The following DOCK10 variants were observed in gnomAD, a reference collection of about 807,000 sequenced individuals.
DOCK10 encodes dedicator of cytokinesis protein 10.
Under a neutral mutation model 280.1 loss-of-function variants are expected in DOCK10, and 145 were observed. The observed-to-expected ratio is 0.52, with a 90% CI of 0.45 to 0.59. DOCK10 has a LOEUF of 0.59. DOCK10 is among the 20% of genes least tolerant of loss of function. The pLI is 0.00. For missense variants in DOCK10, 2,368 were observed against 2,651.7 expected (o/e 0.89, Z 2.35); for synonymous variants, 915 against 942.2 (o/e 0.97, Z 0.53).
Position 224,805,070 on chromosome 2 carries a change from A to G in DOCK10, c.4106T>C (p.Phe1369Ser). Residue 1369 changes from phenylalanine to serine, a missense_variant, in exon 37 of 56, where the codon TTC (phenylalanine) becomes TCC (serine). By Grantham distance (155) the Phe-to-Ser change is radical. This residue lies in a region of DOCK10 where 1,159 missense variants were observed against 1,400.8 expected (regional missense o/e 0.83). Coordinates refer to ENST00000258390, the MANE Select transcript of DOCK10 (RefSeq NM_014689.3). This position sits in a 1 kb window ranked among gnomAD's most constrained non-coding sequence, Gnocchi z 4.3. ...CTCTAAAACTTACTCCAAGATGCTG[A>G]AGAAGTCGGACACCTCTGGGCTGGG... is the stretch of plus-strand genomic sequence containing the variant. Reference protein sequence around the residue: ...RAPSPEVSDFFSILDVCLQNF... With the variant: ...RAPSPEVSDFSSILDVCLQNF... 1 of 1,609,362 alleles carries G rather than the reference A, an allele frequency of 6.2e-7. No homozygotes were observed. The highest frequency in any genetic ancestry group is 8.5e-7 in the Non-Finnish European group (1 of 1,177,974).
At chr2:225,006,557 C>T (rs1030015763) in intron 1 of DOCK10, among the ~76,000 whole-genome samples, 6 of 148,598 alleles carry the variant, frequency 4.0e-5, no homozygotes, top group African/African-American at 1.6e-4. Context: ...AAAGAGCACA[C>T]TTGCTGAGGT....
chr2:224,786,778 TC>T lies in DOCK10; in HGVS notation c.5655+243del, dbSNP rs1247838593. Among the ~76,000 whole-genome samples the T allele has an allele frequency of 6.6e-6, 1 of 152,192 alleles. No individual in the cohort carries two copies. Among genetic ancestry groups the T allele is most frequent in the East Asian group, 1.9e-4 (1 of 5,200 alleles). On this transcript the variant is annotated intron_variant, in intron 50 of 55. Coordinates refer to ENST00000258390, the MANE Select transcript of DOCK10 (RefSeq NM_014689.3). This position sits in a 1 kb window ranked among gnomAD's most constrained non-coding sequence, Gnocchi z 4.7. ...AGTGTTGAAAAATAAATGCCCTCTT[TC>T]TTCAAGAAGTTAGAAATCACTGTTA... is the stretch of plus-strand genomic sequence containing the variant.
intron 1 of DOCK10, among the ~76,000 whole-genome samples, chr2:225,001,211 T>C (rs1368262560): frequency 1.3e-5 from 2 of 151,874 alleles, no homozygotes; most frequent in East Asian, 1.9e-4. Flanking sequence ...AGTAAGTACA[T>C]AGATGAACTA....
At chr2:224,769,110 G>A (rs1690247803) in intron 55 of DOCK10, among the ~76,000 whole-genome samples, 1 of 152,024 alleles carries the variant, frequency 6.6e-6, no homozygotes, top group African/African-American at 2.4e-5. Flanking sequence ...ATTCTATCAA[G>A]TCATCTCTCC....
chr2:224,921,103 A>T (rs1701683774), intron 2 of DOCK10, among the ~76,000 whole-genome samples: 3 of 59,382 alleles, frequency 5.1e-5, no homozygotes, highest in African/African-American at 2.0e-4. Flanking sequence ...AAAAAAAAAA[A>T]AAAAAAAAAA....
At chr2:224,842,006 T>C in intron 22 of DOCK10, 110 bp from the exon 23 acceptor site, 1 of 767,786 alleles carries the variant, frequency 1.3e-6, no homozygotes. Context: ...TGCCTCGAAG[T>C]GCAAATGCTT....
At position 224,819,540 on chromosome 2, in the gene DOCK10, TA is replaced by T; in HGVS notation, c.3184-12del. 6.4e-7 allele frequency: 1 copy of T among 1,554,822 alleles called. No individual in the cohort carries two copies. Among genetic ancestry groups the T allele is most frequent in the South Asian group, 1.2e-5 (1 of 82,284 alleles). On this transcript the variant is annotated splice_polypyrimidine_tract_variant and intron_variant, in intron 28 of 55. Transcript: ENST00000258390. ...AAATGTAAAGCAGCGCTAAAATAGA[TA>T]AAATTCTAAATTTAAACACTTTTAC...
Position 224,770,017 on chromosome 2 carries a change from A to G in DOCK10, c.6444+194T>C, listed in dbSNP as rs1690318707. Among the ~76,000 whole-genome samples the G allele has an allele frequency of 6.6e-6, 1 of 152,150 alleles. No homozygotes were observed. On this transcript the variant is annotated intron_variant, in intron 55 of 55. Transcript: ENST00000258390. This position sits in a 1 kb window ranked among gnomAD's most constrained non-coding sequence, Gnocchi z 4.5. Reference sequence around the variant, plus strand: ...ATCTAGGTTCTCATAATCTTTTTCTACAGAGTTTCCCCCAGCCTGATCTCT... The same window carrying G: ...ATCTAGGTTCTCATAATCTTTTTCTGCAGAGTTTCCCCCAGCCTGATCTCT...
intron 1 of DOCK10, among the ~76,000 whole-genome samples, chr2:225,008,083 A>G (rs1395323429): frequency 1.3e-5 from 2 of 152,198 alleles, no homozygotes; most frequent in African/African-American, 2.4e-5. Context: ...ATGAGCATCA[A>G]TCCTGACTCA....
In DOCK10 at chr2:224,785,930, C is replaced by G. The variant is rs141583994; in HGVS notation, c.5655+1092G>C. ...AAGAAGCTGAGGCCGGGTGTGGTGG[C>G]TCACGCCTGTAATCCCAGCATTTTG... On this transcript the variant is annotated intron_variant, in intron 50 of 55. Coordinates refer to ENST00000258390, the MANE Select transcript of DOCK10 (RefSeq NM_014689.3). 6.6e-5 allele frequency among the ~76,000 whole-genome samples: 10 copies of G among 152,298 alleles called. 1 individual carries two copies. The highest frequency in any genetic ancestry group is 2.4e-4 in the African/African-American group (10 of 41,584).
chr2:224,814,459 C>G (rs746650660), intron 30 of DOCK10, 95 bp from the exon 31 acceptor site: 2 of 571,610 alleles, frequency 3.5e-6, no homozygotes, highest in Non-Finnish European at 5.6e-6. Flanking sequence ...AACAATTAAA[C>G]TATATTATTT....
At chr2:224,828,585 T>C (rs1695017183) in intron 27 of DOCK10, among the ~76,000 whole-genome samples, 1 of 152,110 alleles carries the variant, frequency 6.6e-6, no homozygotes, top group South Asian at 2.1e-4. Flanking sequence ...TGGGGACCAA[T>C]ATCATTAAGA....
At chr2:224,896,573 C>A (rs980992738) in intron 3 of DOCK10, among the ~76,000 whole-genome samples, 196 bp from the exon 4 acceptor site, 1 of 151,960 alleles carries the variant, frequency 6.6e-6, no homozygotes, top group Non-Finnish European at 1.5e-5. Flanking sequence ...AAAAATTAGC[C>A]GGGCCTGGTG....
chr2:224,845,368 C>T (rs1234064102), intron 20 of DOCK10, 44 bp from the exon 21 acceptor site: 12 of 1,568,596 alleles, frequency 7.7e-6, no homozygotes, highest in Non-Finnish European at 1.0e-5. Flanking sequence ...TACAAACCTC[C>T]ATGGTAAGAA....
intron 24 of DOCK10, 88 bp from the exon 25 acceptor site, chr2:224,837,919 G>T: frequency 9.8e-7 from 1 of 1,015,736 alleles, no homozygotes; most frequent in Non-Finnish European, 1.5e-6. Flanking sequence ...TGTAAATTGG[G>T]TATTTAATAA....
chr2:224,941,072 A>T (rs1201451774), intron 1 of DOCK10, among the ~76,000 whole-genome samples: 1 of 152,210 alleles, frequency 6.6e-6, no homozygotes, highest in African/African-American at 2.4e-5. Flanking sequence ...TTACCCTGTA[A>T]ATGCCAATAA....
chr2:224,973,243 A>G (rs1705197085), intron 1 of DOCK10, among the ~76,000 whole-genome samples: 1 of 152,224 alleles, frequency 6.6e-6, no homozygotes, highest in South Asian at 2.1e-4. Context: ...AGGCAGAACA[A>G]CAGCCCCTTA....
chr2:225,013,997 T>C (rs1017039011), intron 1 of DOCK10, among the ~76,000 whole-genome samples: 1 of 151,924 alleles, frequency 6.6e-6, no homozygotes. Flanking sequence ...CTTTCCTGTG[T>C]CCTTTAGTAA....
rs1235598303 is a variant in DOCK10 at position 225,042,385 on chromosome 2, G to A, written c.-11C>T. 2.9e-5 allele frequency: 36 copies of A among 1,230,810 alleles called. No individual in the cohort carries two copies. The highest frequency in any genetic ancestry group is 3.6e-5 in the Non-Finnish European group (36 of 986,462). 76.2% of individuals were successfully genotyped at this position (1,230,810 alleles called of 1,614,324 possible). A position where few individuals can be genotyped will look rare whatever the true frequency, so the allele number is the denominator to read the frequency against. Reference sequence around the variant, plus strand: ...CCGCTCACCGGCCATCGCCGGTCACGCCAATCGCGCCGCGGGCCCGGGGCG... The same window carrying A: ...CCGCTCACCGGCCATCGCCGGTCACACCAATCGCGCCGCGGGCCCGGGGCG... On this transcript the variant is annotated 5_prime_UTR_variant, in exon 1 of 56. Coordinates refer to ENST00000258390, the MANE Select transcript of DOCK10 (RefSeq NM_014689.3). The surrounding 1 kb of genome is among the most constrained non-coding windows in gnomAD (Gnocchi z 5.1).
Sources: allele counts gnomAD v4.1 joint callset (sites outside exome capture counted in the v4.1 genomes callset), GRCh38; gene constraint gnomAD v4.1.1; regional missense constraint gnomAD v4.1.1; non-coding constraint Gnocchi (gnomAD v3.1); transcripts MANE v1.5; gene names NCBI Gene and HGNC (gene_info 2026-07-23, HGNC 2026-07-21).